TNFRSF10A: variants seen among roughly 807,000 people sequenced by gnomAD.
The protein encoded by TNFRSF10A is TNF receptor superfamily member 10a.
TNFRSF10A carries 44 observed loss-of-function variants against 42.8 expected under a neutral mutation model. The observed-to-expected ratio is 1.03, with a 90% CI of 0.81 to 1.32. The LOEUF (loss-of-function observed/expected upper bound fraction) is 1.32. TNFRSF10A is among the 40% of genes most tolerant of loss of function. TNFRSF10A has a pLI of 0.00. For synonymous variants in TNFRSF10A, 259 were observed against 234.2 expected, an observed-to-expected ratio of 1.11 and a Z score of -0.97; for missense variants, 680 against 602.0, an observed-to-expected ratio of 1.13 and a Z score of -1.36.
intron 9 of TNFRSF10A, among the ~76,000 whole-genome samples, chr8:23,192,802 A>C (rs1800774437): frequency 6.6e-6 from 1 of 152,228 alleles, no homozygotes; most frequent in Non-Finnish European, 1.5e-5. Flanking sequence ...TTTTTTTGAT[A>C]AACAGAAATT....
Position 23,224,854 on chromosome 8 carries a change from C to A in TNFRSF10A, c.208G>T (p.Ala70Ser). ...GGCCTGGGTCCTGGGGCGCGCCCTGCCCGGGCCCGGGCACTGGGTCCGTGC... is the reference window on the plus strand; with the variant it reads ...GGCCTGGGTCCTGGGGCGCGCCCTGACCGGGCCCGGGCACTGGGTCCGTGC... ...GQHGPSARARAGRAPGPRPAR... is the reference protein window; with the variant it reads ...GQHGPSARARSGRAPGPRPAR... Residue 70 changes from alanine (A) to serine (S), a missense_variant, in exon 1 of 10, where the codon GCA becomes TCA. Coordinates refer to ENST00000221132, the MANE Select transcript of TNFRSF10A (RefSeq NM_003844.4). The A allele has an allele frequency of 6.4e-7, 1 of 1,567,740 alleles. No homozygotes were observed. The highest frequency in any genetic ancestry group is 8.6e-7 in the Non-Finnish European group (1 of 1,156,570).
chr8:23,224,152 T>G (rs1374059149), intron 1 of TNFRSF10A, among the ~76,000 whole-genome samples: 1 of 150,986 alleles, frequency 6.6e-6, no homozygotes, highest in East Asian at 1.9e-4. Flanking sequence ...TACAAAAAAT[T>G]AGCCGGGCGT....
chr8:23,215,162 A>G (rs561281446), intron 1 of TNFRSF10A, among the ~76,000 whole-genome samples: 32 of 152,246 alleles, frequency 2.1e-4, no homozygotes, highest in African/African-American at 6.0e-4. Context: ...GGTATAGTAT[A>G]ATTTTTGCAT....
At position 23,196,298 on chromosome 8, in the gene TNFRSF10A, A is replaced by G. The variant is rs533376077; in HGVS notation, c.1087+834T>C. Among the ~76,000 whole-genome samples, 13 of 152,096 alleles carry G rather than the reference A, an allele frequency of 8.5e-5. No homozygotes were observed. In the East Asian group the frequency reaches 2.5e-3, roughly 29 times the overall value. ...AAGCTCTGCCTCCCGGGTTCATGCC[A>G]TTCTCCTGCCTCAGCCTCCCGAATA... On this transcript the variant is annotated intron_variant, in intron 9 of 9. Transcript: ENST00000221132.
intron 1 of TNFRSF10A, among the ~76,000 whole-genome samples, chr8:23,217,318 T>G (rs1193336137): frequency 6.6e-6 from 1 of 152,042 alleles, no homozygotes; most frequent in Non-Finnish European, 1.5e-5. Context: ...CTGGTTCAAG[T>G]GATTCTCCTG....
At chr8:23,211,943 G>A (rs1327559912) in intron 2 of TNFRSF10A, among the ~76,000 whole-genome samples, 173 bp downstream of exon 2, 1 of 152,146 alleles carries the variant, frequency 6.6e-6, no homozygotes, top group Non-Finnish European at 1.5e-5. Flanking sequence ...CTTGGATTTG[G>A]CAAAGGATCA....
At chr8:23,194,740 A>T (rs1209214913) in intron 9 of TNFRSF10A, among the ~76,000 whole-genome samples, 1 of 152,264 alleles carries the variant, frequency 6.6e-6, no homozygotes, top group African/African-American at 2.4e-5. Flanking sequence ...AGCAATCTGG[A>T]TAAACTTAAA....
intron 1 of TNFRSF10A, 29 bp downstream of exon 1, chr8:23,224,727 C>T (rs1470169451): frequency 6.5e-7 from 1 of 1,547,908 alleles, no homozygotes; most frequent in African/African-American, 1.4e-5. Context: ...GCGCGCTTTT[C>T]CCCAGGCAGG....
chr8:23,217,196 A>G (rs1438585063), intron 1 of TNFRSF10A, among the ~76,000 whole-genome samples: 1 of 152,104 alleles, frequency 6.6e-6, no homozygotes, highest in Non-Finnish European at 1.5e-5. Flanking sequence ...ATTTATGATT[A>G]TTATGCCTTC....
chr8:23,193,631 G>A (rs1290843627), intron 9 of TNFRSF10A, among the ~76,000 whole-genome samples: 1 of 152,096 alleles, frequency 6.6e-6, no homozygotes, highest in African/African-American at 2.4e-5. Context: ...CAGCACGACT[G>A]GCTCCTCTCA....
At chr8:23,195,750 T>C (rs926839331) in intron 9 of TNFRSF10A, among the ~76,000 whole-genome samples, 8 of 151,774 alleles carry the variant, frequency 5.3e-5, no homozygotes, top group African/African-American at 9.7e-5. Flanking sequence ...GAGAGAGAGA[T>C]TGTGTTTCAG....
intron 2 of TNFRSF10A, among the ~76,000 whole-genome samples, chr8:23,209,269 G>T (rs1048686794): frequency 6.6e-6 from 1 of 152,232 alleles, no homozygotes; most frequent in African/African-American, 2.4e-5. Flanking sequence ...TAGGGGCAGG[G>T]CCCTCATGGA....
intron 7 of TNFRSF10A, 84 bp from the exon 8 acceptor site, chr8:23,199,532 C>G (rs1800876857): frequency 6.7e-7 from 1 of 1,494,492 alleles, no homozygotes; most frequent in African/African-American, 1.4e-5. Context: ...CCTGCTGCCA[C>G]CACCCCCTCC....
chr8:23,216,068 T>C (rs1801175369), intron 1 of TNFRSF10A, among the ~76,000 whole-genome samples: 1 of 152,192 alleles, frequency 6.6e-6, no homozygotes, highest in African/African-American at 2.4e-5. Context: ...ATCGCCTGCC[T>C]CGGCCTCCCA....
intron 2 of TNFRSF10A, among the ~76,000 whole-genome samples, chr8:23,204,655 A>G (rs1180720708): frequency 6.6e-6 from 1 of 152,222 alleles, no homozygotes; most frequent in Non-Finnish European, 1.5e-5. Flanking sequence ...ATGCTTGGCC[A>G]TAAGATAAAC....
intron 9 of TNFRSF10A, among the ~76,000 whole-genome samples, chr8:23,196,387 G>T (rs1205226550): frequency 6.6e-6 from 1 of 152,028 alleles, no homozygotes; most frequent in African/African-American, 2.4e-5. Context: ...TAGTACAGAA[G>T]GGGTTTCACC....
chr8:23,222,001 C>A (rs983220498), intron 1 of TNFRSF10A, among the ~76,000 whole-genome samples: 1 of 152,008 alleles, frequency 6.6e-6, no homozygotes, highest in Non-Finnish European at 1.5e-5. Flanking sequence ...CTCAGCCTCC[C>A]GAGTAGCTGG....
chr8:23,208,884 T>C (rs4872081), intron 2 of TNFRSF10A, among the ~76,000 whole-genome samples: 136,891 of 152,224 alleles, frequency 0.9, 63,119 homozygotes, highest in East Asian at 1. Context: ...GCATAAGTAA[T>C]GAGGAGCTGA....
Position 23,224,983 on chromosome 8 carries a change from T to C in TNFRSF10A, c.79A>G (p.Thr27Ala), listed in dbSNP as rs547614433. ...TPNPGSAASG[T>A]EAAAATPSKV... ...CTGGGTGTGGCCGCGGCTGCCTCTG[T>C]CCCACTCGCTGCGCTCCCGGGATTC... The change falls in exon 1 of 10, where the codon ACA (threonine) becomes GCA (alanine). Residue 27 changes from threonine to alanine, a missense_variant. Physicochemically the swap from Thr to Ala is moderately conservative, Grantham distance 58 (BLOSUM62 0). Coordinates refer to ENST00000221132, the MANE Select transcript of TNFRSF10A (RefSeq NM_003844.4). The C allele has an allele frequency of 8.1e-6, 13 of 1,595,388 alleles. No homozygotes were observed. The African/African-American group carries it at 1.3e-4, about 16-fold the overall frequency.
Sources: allele counts gnomAD v4.1 joint callset (sites outside exome capture counted in the v4.1 genomes callset), GRCh38; gene constraint gnomAD v4.1.1; transcripts MANE v1.5; gene names NCBI Gene and HGNC (gene_info 2026-07-23, HGNC 2026-07-21).